INTS9: variants seen among roughly 807,000 people sequenced by gnomAD.
INTS9 encodes the protein protein related to CPSF subunits of 74 kDa.
In INTS9, 55 loss-of-function variants were observed where a neutral mutation model predicts 79.7. The ratio of observed to expected loss-of-function variants is 0.69; its 90% CI spans 0.56 to 0.86. INTS9 has a LOEUF of 0.86. Ranked by LOEUF, INTS9 falls within the 40% of genes least tolerant of loss-of-function variation. The probability of loss-of-function intolerance (pLI) is 0.00; values close to 1 mark genes in which losing one functional copy is unlikely to be tolerated. For synonymous variants in INTS9, 319 were observed against 325.2 expected (o/e 0.98, Z 0.20); for missense variants, 721 against 831.5 (o/e 0.87, Z 1.64).
At chr8:28,847,189 C>T (rs768382381) in intron 3 of INTS9, among the ~76,000 whole-genome samples, 14 of 152,176 alleles carry the variant, frequency 9.2e-5, no homozygotes, top group Non-Finnish European at 1.6e-4. Flanking sequence ...CTGGCCCTAT[C>T]TAAGACTGAA....
At chr8:28,842,257 G>T (rs1371926764) in intron 4 of INTS9, among the ~76,000 whole-genome samples, 2 of 152,178 alleles carry the variant, frequency 1.3e-5, no homozygotes, top group Non-Finnish European at 2.9e-5. Context: ...GGGTGGCAGA[G>T]GGGAAGAAGT....
chr8:28,854,723 G>A (rs1808046368), intron 2 of INTS9, among the ~76,000 whole-genome samples: 1 of 152,122 alleles, frequency 6.6e-6, no homozygotes. Context: ...CAGTCAGCAT[G>A]CAAATTGATG....
At chr8:28,794,746 C>T (rs1438001696) in intron 9 of INTS9, among the ~76,000 whole-genome samples, 1 of 152,170 alleles carries the variant, frequency 6.6e-6, no homozygotes, top group African/African-American at 2.4e-5. Context: ...GAAAATGCAA[C>T]TTTTCTTCTG....
chr8:28,819,034 C>G (rs891579463), intron 6 of INTS9, among the ~76,000 whole-genome samples: 33 of 151,944 alleles, frequency 2.2e-4, no homozygotes, highest in African/African-American at 7.7e-4. Context: ...CTATTTGATT[C>G]TTCTCTCTTT....
intron 1 of INTS9, among the ~76,000 whole-genome samples, chr8:28,886,548 G>A (rs535588123): frequency 9.2e-5 from 14 of 152,270 alleles, no homozygotes; most frequent in African/African-American, 3.4e-4. Context: ...CACCTGGCCT[G>A]AAGATCTTAA....
rs572098863 is a variant in INTS9 at position 28,833,032 on chromosome 8, A to G, written c.488+2260T>C. The stretch of plus-strand genomic sequence containing the variant: ...ATTAAAGGAATAAATAAATTAACAC[A>G]TTTAGAAGGTGCCTGGCACACAAGT... On this transcript the variant is annotated intron_variant, in intron 6 of 16. Transcript: ENST00000521022. Among the ~76,000 whole-genome samples, 3 of 152,280 alleles carry G rather than the reference A, an allele frequency of 2.0e-5. No individual in the cohort carries two copies. In the East Asian group the frequency reaches 5.8e-4, roughly 29 times the overall value.
chr8:28,875,297 A>G (rs1260957086), intron 1 of INTS9, among the ~76,000 whole-genome samples: 7 of 152,196 alleles, frequency 4.6e-5, no homozygotes, highest in Non-Finnish European at 1.0e-4. Flanking sequence ...AGCAAAAAAA[A>G]TACATAATAA....
Position 28,807,072 on chromosome 8 carries a change from T to C in INTS9, c.744+5255A>G, listed in dbSNP as rs140885660. Among the ~76,000 whole-genome samples, 489 of 152,258 alleles carry C rather than the reference T, an allele frequency of 3.2e-3. 4 individuals are homozygous for C. The highest frequency in any genetic ancestry group is 0.011 in the African/African-American group (473 of 41,558). ...AAAATCAATAATACAGACAAACTTCTGGCAAGTCTGATCAAGATGATGATG... is the reference window on the plus strand; with the variant it reads ...AAAATCAATAATACAGACAAACTTCCGGCAAGTCTGATCAAGATGATGATG... On this transcript the variant is annotated intron_variant, in intron 8 of 16. Transcript: ENST00000521022.
chr8:28,852,107 T>A (rs1036717287), intron 2 of INTS9, among the ~76,000 whole-genome samples: 1 of 151,982 alleles, frequency 6.6e-6, no homozygotes, highest in African/African-American at 2.4e-5. Context: ...CAGTCTCAGC[T>A]ACTTGGGAGG....
intron 6 of INTS9, among the ~76,000 whole-genome samples, chr8:28,835,086 T>C (rs1193322030): frequency 6.6e-6 from 1 of 152,262 alleles, no homozygotes; most frequent in African/African-American, 2.4e-5. Flanking sequence ...TCCTAAAAAC[T>C]CTGGTACCCA....
intron 6 of INTS9, among the ~76,000 whole-genome samples, chr8:28,822,313 T>A (rs1585415389): frequency 6.6e-6 from 1 of 150,428 alleles, no homozygotes; most frequent in Admixed American, 6.6e-5. Context: ...CTTTTTTTTT[T>A]AAACCAGAAT....
Position 28,852,960 on chromosome 8 carries a change from G to A in INTS9, c.138-2687C>T, listed in dbSNP as rs557897104. 2.6e-3 allele frequency among the ~76,000 whole-genome samples: 397 copies of A among 152,316 alleles called. 1 individual carries two copies. Among genetic ancestry groups the A allele is most frequent in the Non-Finnish European group, 4.7e-3 (319 of 68,024 alleles). ...GCAAAGACATGCTGACTATAGAGAT[G>A]AAAATATTTGCTTACTGTGTTCCAA... On this transcript the variant is annotated intron_variant, in intron 2 of 16. Coordinates refer to ENST00000521022, the MANE Select transcript of INTS9 (RefSeq NM_018250.4).
chr8:28,850,403 T>C, intron 2 of INTS9, 130 bp from the exon 3 acceptor site: 1 of 561,746 alleles, frequency 1.8e-6, no homozygotes, highest in Non-Finnish European at 3.0e-6. Context: ...TACCCTAAAT[T>C]CCAATAAAAA....
chr8:28,801,081 T>C (rs1804489090), intron 8 of INTS9, among the ~76,000 whole-genome samples: 1 of 152,114 alleles, frequency 6.6e-6, no homozygotes, highest in South Asian at 2.1e-4. Flanking sequence ...CTGTAGAGCT[T>C]CCAGATCAGA....
chr8:28,772,239 G>A (rs241173), intron 14 of INTS9, among the ~76,000 whole-genome samples: 60,944 of 152,136 alleles, frequency 0.4, 12,466 homozygotes, highest in East Asian at 0.51. Context: ...AAGACGTACA[G>A]TTTGGCTGGG....
Position 28,781,010 on chromosome 8 carries a change from A to G in INTS9, c.1099-16T>C. On this transcript the variant is annotated splice_polypyrimidine_tract_variant and intron_variant, in intron 11 of 16. Transcript: ENST00000521022. ...TCTGAATGAGCTGGAAAATATAGAAAAAATACAAAGAAATGTGAGCCTGCC... is the reference window on the plus strand; with the variant it reads ...TCTGAATGAGCTGGAAAATATAGAAGAAATACAAAGAAATGTGAGCCTGCC... 1 of 1,605,830 alleles carries G rather than the reference A, an allele frequency of 6.2e-7. No homozygotes were observed. The highest frequency in any genetic ancestry group is 8.5e-7 in the Non-Finnish European group (1 of 1,173,812).
rs150932238 is a variant in INTS9, at chr8:28,870,094, A to T, written c.10-10531T>A. Among the ~76,000 whole-genome samples the T allele has an allele frequency of 1.9e-3, 296 of 152,290 alleles. 2 individuals carry two copies. Among genetic ancestry groups the T allele is most frequent in the South Asian group, 4.6e-3 (22 of 4,824 alleles). On this transcript the variant is annotated intron_variant, in intron 1 of 16. Transcript: ENST00000521022. ...GTTTGGCTATCTGGAACCAGCACTT[A>T]ATACACGTTAAGAAGTAATTATAGT...
At chr8:28,776,096 G>A (rs926930603) in intron 13 of INTS9, 170 bp from the exon 14 acceptor site, 7 of 494,576 alleles carry the variant, frequency 1.4e-5, no homozygotes, top group African/African-American at 1.0e-4. Flanking sequence ...GAGAGGGAAC[G>A]TGAAGGCACT....
intron 1 of INTS9, among the ~76,000 whole-genome samples, chr8:28,882,361 G>A (rs1484395020): frequency 1.4e-5 from 2 of 141,414 alleles, no homozygotes; most frequent in Non-Finnish European, 3.1e-5. Context: ...GAAAACCAGA[G>A]ACCTTTGTTC....
Sources: gnomAD v4.1 joint callset for allele counts (sites outside exome capture counted in the v4.1 genomes callset) on GRCh38, gnomAD v4.1.1 for gene constraint, MANE v1.5 for transcripts, NCBI Gene and HGNC (gene_info 2026-07-23, HGNC 2026-07-21) for gene names.